Variants in CNTNAP5 observed in about 807,000 individuals in gnomAD.
CNTNAP5 encodes contactin-associated protein-like 5.
Under a neutral mutation model 150.2 loss-of-function variants are expected in CNTNAP5, and 72 were observed. The ratio of observed to expected loss-of-function variants is 0.48; its 90% CI spans 0.40 to 0.58. The LOEUF is 0.58. Among genes scored for constraint, CNTNAP5 ranks in the 20% least tolerant of loss-of-function variants. The pLI is 0.00. For synonymous variants in CNTNAP5, 672 were observed against 619.8 expected (o/e 1.08, Z -1.25); for missense variants, 1,636 against 1,626.2 (o/e 1.01, Z -0.10).
chr2:124,860,520 C>CTTCCTTCCTTCCTTCCTTCCTTCCTTCT (rs1558804001), intron 19 of CNTNAP5, among the ~76,000 whole-genome samples: 9 of 130,348 alleles, frequency 6.9e-5, no homozygotes, highest in African/African-American at 3.0e-4. Context: ...TCCTTCCTTC[C>CTTCCTTCCTTCCTTCCTTCCTTCCTTCT]TTCCTTCCTT....
intron 1 of CNTNAP5, among the ~76,000 whole-genome samples, chr2:124,079,503 C>T (rs1682511489): frequency 7.5e-6 from 1 of 132,576 alleles, no homozygotes; most frequent in African/African-American, 2.8e-5. Flanking sequence ...TCTATCTGAA[C>T]CCCTGATTTT....
rs1347267960 is a variant in CNTNAP5, at chr2:124,915,878, A to G, written c.*1590A>G. Among the ~76,000 whole-genome samples, 1 of 152,086 alleles carries G rather than the reference A, an allele frequency of 6.6e-6. No homozygotes were observed. Among genetic ancestry groups the G allele is most frequent in the African/African-American group, 2.4e-5 (1 of 41,448 alleles). On this transcript the variant is annotated 3_prime_UTR_variant, in exon 24 of 24. Coordinates refer to ENST00000682447, the MANE Select transcript of CNTNAP5 (RefSeq NM_001367498.1). ...ATGTAAATGCTCCAAGATAGTGGAA[A>G]TGCTCATGTAATGATTCTTAGGTGT...
chr2:124,469,412 G>C (rs1265365463), intron 6 of CNTNAP5, among the ~76,000 whole-genome samples: 2 of 151,494 alleles, frequency 1.3e-5, no homozygotes, highest in South Asian at 4.2e-4. Context: ...TTGAAATTGA[G>C]GAAAGTAGCC....
chr2:124,754,685 A>AT (rs980021820), intron 14 of CNTNAP5, among the ~76,000 whole-genome samples: 37 of 151,434 alleles, frequency 2.4e-4, no homozygotes, highest in African/African-American at 8.2e-4. Flanking sequence ...CTGGGTTTCA[A>AT]TTTTTTTTTA....
intron 10 of CNTNAP5, among the ~76,000 whole-genome samples, chr2:124,534,673 G>A (rs747296328): frequency 2.0e-5 from 3 of 152,130 alleles, no homozygotes; most frequent in Non-Finnish European, 2.9e-5. Context: ...AGGACATGGA[G>A]ACCATCTTGG....
intron 3 of CNTNAP5, among the ~76,000 whole-genome samples, chr2:124,324,831 A>C (rs1689178257): frequency 6.6e-6 from 1 of 152,186 alleles, no homozygotes; most frequent in South Asian, 2.1e-4. Context: ...GCATTTTATA[A>C]GACAAGCTTT....
chr2:124,775,460 T>C (rs1298637135), intron 17 of CNTNAP5, among the ~76,000 whole-genome samples: 1 of 152,174 alleles, frequency 6.6e-6, no homozygotes, highest in Non-Finnish European at 1.5e-5. Context: ...TCTGTCTAGA[T>C]ATCTTTGGCC....
intron 6 of CNTNAP5, among the ~76,000 whole-genome samples, chr2:124,463,372 G>T (rs1231449131): frequency 6.6e-6 from 1 of 152,148 alleles, no homozygotes; most frequent in Non-Finnish European, 1.5e-5. Flanking sequence ...GGAACTGTAG[G>T]CCTGGCATTG....
At chr2:124,822,002 T>C (rs1276389267) in intron 19 of CNTNAP5, among the ~76,000 whole-genome samples, 1 of 152,198 alleles carries the variant, frequency 6.6e-6, no homozygotes, top group African/African-American at 2.4e-5. Context: ...TCCCATCCTA[T>C]ATTTACTGAC....
chr2:124,208,540 G>C (rs1030261323), intron 1 of CNTNAP5, among the ~76,000 whole-genome samples: 3 of 152,168 alleles, frequency 2.0e-5, no homozygotes, highest in African/African-American at 7.2e-5. Context: ...CTCTGCCCAT[G>C]CCCTTCCCTT....
At chr2:124,223,798 A>G (rs1252287477) in intron 2 of CNTNAP5, among the ~76,000 whole-genome samples, 2 of 151,518 alleles carry the variant, frequency 1.3e-5, no homozygotes, top group African/African-American at 2.4e-5. Context: ...GCATAAATGT[A>G]CAGAGAGGTT....
chr2:124,824,195 G>A (rs1329818762), intron 19 of CNTNAP5, among the ~76,000 whole-genome samples: 3 of 152,018 alleles, frequency 2.0e-5, no homozygotes, highest in Non-Finnish European at 4.4e-5. Context: ...TGGGATTACA[G>A]GCATGAGCTA....
At chr2:124,694,994 T>TTGTGTG (rs138349590) in intron 13 of CNTNAP5, among the ~76,000 whole-genome samples, 204 of 150,306 alleles carry the variant, frequency 1.4e-3, no homozygotes, top group Middle Eastern at 3.4e-3. Context: ...ATTTCCTAAA[T>TTGTGTG]TGTGTGTGTG....
rs569872339 is a variant in CNTNAP5 at position 124,414,374 on chromosome 2, T to C, written c.382-3069T>C. 2.1e-4 allele frequency among the ~76,000 whole-genome samples: 32 copies of C among 152,286 alleles called. No homozygotes were observed. In the South Asian group the frequency reaches 5.2e-3, roughly 25 times the overall value. Reference sequence around the variant, plus strand: ...ATCTGCCTCTACTGTTAATGCTTTCTAGGTGACCTTAAGCTGCTAGCACCA... The same window carrying C: ...ATCTGCCTCTACTGTTAATGCTTTCCAGGTGACCTTAAGCTGCTAGCACCA... On this transcript the variant is annotated intron_variant, in intron 3 of 23. Coordinates refer to ENST00000682447, the MANE Select transcript of CNTNAP5 (RefSeq NM_001367498.1).
intron 6 of CNTNAP5, among the ~76,000 whole-genome samples, chr2:124,450,435 G>C (rs1692938935): frequency 1.3e-5 from 2 of 151,432 alleles, no homozygotes; most frequent in African/African-American, 4.9e-5. Context: ...TATCAATCAA[G>C]TGACACAATG....
chr2:124,070,650 T>C (rs1436278225), intron 1 of CNTNAP5, among the ~76,000 whole-genome samples: 2 of 151,892 alleles, frequency 1.3e-5, no homozygotes, highest in Non-Finnish European at 2.9e-5. Flanking sequence ...AGAATGATGA[T>C]TGTAAATATA....
chr2:124,391,207 A>C (rs1160555592), intron 3 of CNTNAP5, among the ~76,000 whole-genome samples: 1 of 152,236 alleles, frequency 6.6e-6, no homozygotes, highest in Non-Finnish European at 1.5e-5. Flanking sequence ...CATTTTAAAA[A>C]TACCTGTTAC....
chr2:124,658,317 C>T (rs1678501635), intron 13 of CNTNAP5, among the ~76,000 whole-genome samples: 1 of 152,118 alleles, frequency 6.6e-6, no homozygotes, highest in Non-Finnish European at 1.5e-5. Flanking sequence ...GTTTTATGGG[C>T]CACAGGTTTC....
intron 4 of CNTNAP5, among the ~76,000 whole-genome samples, chr2:124,432,042 A>G (rs960908617): frequency 1.3e-5 from 2 of 152,264 alleles, no homozygotes; most frequent in African/African-American, 2.4e-5. Context: ...CTGGGAGATG[A>G]AGAGTATAGT....
Sources: gnomAD v4.1 joint callset for allele counts (sites outside exome capture counted in the v4.1 genomes callset) on GRCh38, gnomAD v4.1.1 for gene constraint, MANE v1.5 for transcripts, NCBI Gene and HGNC (gene_info 2026-07-23, HGNC 2026-07-21) for gene names.